The following BRWD3 variants were observed in gnomAD, a reference collection of about 807,000 sequenced individuals.
The protein encoded by BRWD3 is bromodomain and WD repeat-containing protein 3.
In BRWD3, 10 loss-of-function variants were observed where a neutral mutation model predicts 149.7. That is an observed-to-expected ratio of 0.07 (90% CI 0.04 to 0.11). The LOEUF (loss-of-function observed/expected upper bound fraction) is 0.11, where lower values mean the gene tolerates loss of function less well. BRWD3 is among the 10% of genes least tolerant of loss of function. The pLI, the probability that BRWD3 is intolerant of heterozygous loss-of-function variation, is 1.00. For synonymous variants in BRWD3, 504 were observed against 456.7 expected (o/e 1.10, Z -1.32); for missense variants, 940 against 1,373.2 (o/e 0.68, Z 4.99).
At chrX:80,700,672 G>A (rs990884929) in intron 24 of BRWD3, among the ~76,000 whole-genome samples, 1 of 106,031 alleles carries the variant, frequency 9.4e-6, no homozygotes. Flanking sequence ...GGGAAGCGGA[G>A]GTTGCAGTGA....
chrX:80,698,158 T>G (rs1339631751), intron 25 of BRWD3, among the ~76,000 whole-genome samples: 2 of 112,146 alleles, frequency 1.8e-5, no homozygotes, highest in African/African-American at 6.5e-5. Context: ...ATGAGATTGT[T>G]TGTTTTTTTG....
At chrX:80,701,498 G>A (rs760977079) in intron 24 of BRWD3, among the ~76,000 whole-genome samples, 24 of 87,772 alleles carry the variant, frequency 2.7e-4, no homozygotes, top group East Asian at 7.5e-4. Context: ...GCAGTGAGCC[G>A]AGATAGCCCC....
intron 17 of BRWD3, among the ~76,000 whole-genome samples, chrX:80,720,977 G>A (rs1464791324): frequency 1.8e-5 from 2 of 112,160 alleles, no homozygotes; most frequent in Non-Finnish European, 3.8e-5. Context: ...AGAGTTTTGA[G>A]TAAGGTTTGA....
chrX:80,796,126 T>C (rs1402827978), intron 4 of BRWD3, among the ~76,000 whole-genome samples: 2 of 107,403 alleles, frequency 1.9e-5, no homozygotes, highest in Non-Finnish European at 3.9e-5. Flanking sequence ...CTATAATCAA[T>C]GTTTTTGTTT....
intron 38 of BRWD3, 102 bp from the exon 39 acceptor site, chrX:80,682,196 C>G (rs1449932648): frequency 1.4e-6 from 1 of 696,663 alleles, no homozygotes; most frequent in Non-Finnish European, 2.2e-6. Flanking sequence ...CAGGTATTAG[C>G]TGGCCAAAGA....
At chrX:80,691,341 A>G (rs1400819584) in intron 30 of BRWD3, among the ~76,000 whole-genome samples, 168 bp from the exon 31 acceptor site, 1 of 112,059 alleles carries the variant, frequency 8.9e-6, no homozygotes, top group Admixed American at 9.5e-5. Flanking sequence ...TTTGGACATC[A>G]TATCTATGAA....
At chrX:80,782,601 C>CAATA (rs2074067602) in intron 6 of BRWD3, among the ~76,000 whole-genome samples, 1 of 111,790 alleles carries the variant, frequency 8.9e-6, no homozygotes, top group African/African-American at 3.2e-5. Flanking sequence ...GACAAAGGAT[C>CAATA]AATAACCAGA....
chrX:80,723,641 G>T (rs1228409019), intron 16 of BRWD3, 107 bp downstream of exon 16: 2 of 833,003 alleles, frequency 2.4e-6, no homozygotes, highest in Non-Finnish European at 3.5e-6. Context: ...CTTTTATTTT[G>T]TATCTATTGA....
At chrX:80,754,881 A>T (rs2073718961) in intron 6 of BRWD3, among the ~76,000 whole-genome samples, 1 of 111,203 alleles carries the variant, frequency 9.0e-6, no homozygotes, top group African/African-American at 3.3e-5. Context: ...GGTGGTATGC[A>T]CCTGTAATCC....
At chrX:80,756,233 G>C (rs184947200) in intron 6 of BRWD3, among the ~76,000 whole-genome samples, 2 of 110,022 alleles carry the variant, frequency 1.8e-5, no homozygotes, top group Non-Finnish European at 3.8e-5. Flanking sequence ...AAATAACGTC[G>C]GCTCATGCCT....
At chrX:80,766,901 C>A (rs1225046786) in intron 6 of BRWD3, among the ~76,000 whole-genome samples, 1 of 111,990 alleles carries the variant, frequency 8.9e-6, no homozygotes, top group Admixed American at 9.4e-5. Context: ...CTGGGACATT[C>A]GCACCCAAAT....
chrX:80,763,639 C>T (rs1297826679), intron 6 of BRWD3, among the ~76,000 whole-genome samples: 8 of 111,769 alleles, frequency 7.2e-5, no homozygotes, highest in African/African-American at 1.6e-4. Flanking sequence ...TTTACGATCA[C>T]GCCAAAGAAA....
chrX:80,807,468 A>G (rs1406881421), intron 4 of BRWD3, among the ~76,000 whole-genome samples: 1 of 112,177 alleles, frequency 8.9e-6, no homozygotes, highest in South Asian at 3.7e-4. Context: ...AGAGTCTATC[A>G]TACACCGCCA....
chrX:80,689,292 T>C (rs1246410392), intron 33 of BRWD3, among the ~76,000 whole-genome samples: 1 of 111,812 alleles, frequency 8.9e-6, no homozygotes, highest in African/African-American at 3.2e-5. Flanking sequence ...TACTTCCATT[T>C]CATTCAGAAG....
At chrX:80,769,368 A>G (rs1268040440) in intron 6 of BRWD3, among the ~76,000 whole-genome samples, 1 of 112,017 alleles carries the variant, frequency 8.9e-6, no homozygotes, top group African/African-American at 3.3e-5. Flanking sequence ...CAAATGTAAA[A>G]GAACACAAAT....
At position 80,728,939 on chromosome X, in the gene BRWD3, T is replaced by C. The variant is rs769337078; in HGVS notation, c.1233-34A>G. On this transcript the variant is annotated intron_variant, in intron 13 of 40. Coordinates refer to ENST00000373275, the MANE Select transcript of BRWD3 (RefSeq NM_153252.5). ...AACAATTTGCAGTATTCATATCTTATAAATTTTTGACAAAGGTGCATGTTA... is the reference window on the plus strand; with the variant it reads ...AACAATTTGCAGTATTCATATCTTACAAATTTTTGACAAAGGTGCATGTTA... 6 of 1,171,384 alleles carry C rather than the reference T, an allele frequency of 5.1e-6. No homozygotes were observed. The South Asian group carries it at 7.2e-5, about 14-fold the overall frequency.
intron 17 of BRWD3, among the ~76,000 whole-genome samples, chrX:80,721,950 G>A (rs766479437): frequency 1.3e-4 from 14 of 111,528 alleles, no homozygotes; most frequent in Admixed American, 3.8e-4. Context: ...GGGTTCAAGC[G>A]GTTCTTGTGC....
chrX:80,711,215 A>G (rs1005360930), intron 20 of BRWD3, among the ~76,000 whole-genome samples: 7 of 111,748 alleles, frequency 6.3e-5, no homozygotes, highest in African/African-American at 2.0e-4. Context: ...ACTTTTGTTC[A>G]TTCTAGATTA....
intron 12 of BRWD3, among the ~76,000 whole-genome samples, chrX:80,730,567 G>A (rs1265923049): frequency 9.0e-6 from 1 of 111,059 alleles, no homozygotes; most frequent in East Asian, 2.8e-4. Flanking sequence ...CAGTTAAAGG[G>A]TATGAGCTTT....
Sources: gnomAD v4.1 joint callset for allele counts (sites outside exome capture counted in the v4.1 genomes callset) on GRCh38, gnomAD v4.1.1 for gene constraint, MANE v1.5 for transcripts, NCBI Gene and HGNC (gene_info 2026-07-23, HGNC 2026-07-21) for gene names.